The following AFG2A variants were observed in gnomAD, a reference collection of about 807,000 sequenced individuals.
The protein encoded by AFG2A is AAA ATPase AFG2A.
the AFG2A span, among the ~76,000 whole-genome samples, chr4:122,986,015 T>G: frequency 5.9e-5 from 9 of 151,988 alleles, no homozygotes; most frequent in Non-Finnish European, 1.0e-4. Context: ...ATTTTCATCT[T>G]GATTTTGTTT....
the AFG2A span, among the ~76,000 whole-genome samples, chr4:123,173,340 G>GTTTTTTTTTTTT: frequency 4.3e-4 from 30 of 70,304 alleles, 3 homozygotes; most frequent in Non-Finnish European, 5.8e-4. Context: ...AAGTCCAATG[G>GTTTTTTTTTTTT]TTTTTTTTTT....
the AFG2A span, among the ~76,000 whole-genome samples, chr4:123,310,067 A>C: frequency 2.6e-5 from 4 of 152,230 alleles, no homozygotes; most frequent in Non-Finnish European, 5.9e-5. Context: ...CTGTTTCCAA[A>C]TCTACCTTTT....
At chr4:122,973,875 A>C in the AFG2A span, among the ~76,000 whole-genome samples, 11 of 152,100 alleles carry the variant, frequency 7.2e-5, no homozygotes, top group African/African-American at 2.4e-4. Context: ...ATGAAGACAC[A>C]CAGTGTTGCC....
At chr4:122,959,758 T>A in the AFG2A span, among the ~76,000 whole-genome samples, 8 of 152,204 alleles carry the variant, frequency 5.3e-5, no homozygotes, top group Admixed American at 1.3e-4. Flanking sequence ...GATAGAAGGT[T>A]TACAATCCAT....
the AFG2A span, among the ~76,000 whole-genome samples, chr4:122,975,616 A>G: frequency 1.3e-5 from 2 of 152,248 alleles, no homozygotes; most frequent in East Asian, 1.9e-4. Context: ...ACAGAGGGCT[A>G]CCTGACACCT....
chr4:123,121,855 C>T, the AFG2A span, among the ~76,000 whole-genome samples: 1 of 152,112 alleles, frequency 6.6e-6, no homozygotes. Context: ...TTTTTGTTTC[C>T]TCTTGAAGTA....
chr4:123,289,505 T>C, the AFG2A span, among the ~76,000 whole-genome samples: 1 of 152,310 alleles, frequency 6.6e-6, no homozygotes, highest in South Asian at 2.1e-4. Flanking sequence ...TATATAATGA[T>C]TTCTTTTCCT....
the AFG2A span, among the ~76,000 whole-genome samples, chr4:123,240,247 C>T: frequency 6.6e-6 from 1 of 152,130 alleles, no homozygotes; most frequent in African/African-American, 2.4e-5. Context: ...CAAGGATATC[C>T]AGGACTTGAA....
chr4:122,923,226 G>A, the AFG2A span: 1 of 1,614,104 alleles, frequency 6.2e-7, no homozygotes, highest in Non-Finnish European at 8.5e-7. Flanking sequence ...CCTCTTGTGC[G>A]GAGGCACGGG....
At chr4:123,087,932 A>G in the AFG2A span, among the ~76,000 whole-genome samples, 1 of 152,168 alleles carries the variant, frequency 6.6e-6, no homozygotes, top group Non-Finnish European at 1.5e-5. Flanking sequence ...CAGAAATTGG[A>G]ACAATGCTGT....
the AFG2A span, among the ~76,000 whole-genome samples, chr4:123,132,562 A>G: frequency 6.8e-6 from 1 of 147,628 alleles, no homozygotes; most frequent in Non-Finnish European, 1.5e-5. Context: ...GTGTTCATTG[A>G]TAGAAGAATG....
the AFG2A span, among the ~76,000 whole-genome samples, chr4:122,977,071 T>A: frequency 2.0e-5 from 3 of 152,208 alleles, no homozygotes; most frequent in Non-Finnish European, 4.4e-5. Flanking sequence ...ACAAAATGTT[T>A]TAAATGCTGT....
At chr4:123,043,924 G>A in the AFG2A span, among the ~76,000 whole-genome samples, 1 of 152,160 alleles carries the variant, frequency 6.6e-6, no homozygotes, top group South Asian at 2.1e-4. Flanking sequence ...AAGTCAACAG[G>A]CAAAATATCT....
chr4:122,954,925 C>T, the AFG2A span, among the ~76,000 whole-genome samples: 1 of 152,186 alleles, frequency 6.6e-6, no homozygotes, highest in Non-Finnish European at 1.5e-5. Context: ...GGCTTTTGGG[C>T]ACCACATAAA....
the AFG2A span, among the ~76,000 whole-genome samples, chr4:122,940,464 C>A: frequency 1.3e-5 from 2 of 149,434 alleles, no homozygotes; most frequent in African/African-American, 2.6e-5. Flanking sequence ...CCTTTGCCCA[C>A]TTTTTGATGG....
the AFG2A span, among the ~76,000 whole-genome samples, chr4:123,034,579 A>T: frequency 2.0e-5 from 3 of 151,612 alleles, no homozygotes; most frequent in African/African-American, 7.3e-5. Context: ...ATGAAAAAAA[A>T]AAAAAGGACA....
At chr4:123,113,048 A>G in the AFG2A span, among the ~76,000 whole-genome samples, 5 of 152,178 alleles carry the variant, frequency 3.3e-5, no homozygotes, top group Non-Finnish European at 5.9e-5. Flanking sequence ...ATGTTTATAA[A>G]TATTTGATGA....
chr4:123,109,149 G>A, the AFG2A span, among the ~76,000 whole-genome samples: 2 of 151,996 alleles, frequency 1.3e-5, no homozygotes, highest in Non-Finnish European at 2.9e-5. Context: ...TATGTGTGTC[G>A]GTTGTTGTAT....
At chr4:123,059,537 T>C in the AFG2A span, among the ~76,000 whole-genome samples, 1 of 152,012 alleles carries the variant, frequency 6.6e-6, no homozygotes, top group African/African-American at 2.4e-5. Context: ...CCACATTTTC[T>C]TAATCCTGTC....
Sources: allele counts gnomAD v4.1 joint callset (sites outside exome capture counted in the v4.1 genomes callset), GRCh38; gene constraint gnomAD v4.1.1; transcripts MANE v1.5; gene names NCBI Gene and HGNC (gene_info 2026-07-23, HGNC 2026-07-21).